AKAP3: variants seen among roughly 807,000 people sequenced by gnomAD.
The protein encoded by AKAP3 is A-kinase anchoring protein 3, also known as A-kinase anchor protein 3.
A neutral mutation model predicts 57.2 loss-of-function variants in AKAP3; 27 were observed. That is an observed-to-expected ratio of 0.47 (90% CI 0.35 to 0.65). The LOEUF is 0.65. Ranked by LOEUF, AKAP3 falls within the 30% of genes least tolerant of loss-of-function variation. The pLI is 0.01. For synonymous variants in AKAP3, 334 were observed against 392.3 expected, an observed-to-expected ratio of 0.85 and a Z score of 1.76; for missense variants, 959 against 1,040.0, an observed-to-expected ratio of 0.92 and a Z score of 1.07.
At chr12:4,644,602 C>T (rs984980254) in intron 2 of AKAP3, among the ~76,000 whole-genome samples, 4 of 152,162 alleles carry the variant, frequency 2.6e-5, no homozygotes, top group African/African-American at 9.7e-5. Context: ...CCAGAGGACT[C>T]ACAGGTAAAA....
rs1945279769 is a variant in AKAP3 at position 4,615,909 on chromosome 12, A to T, written c.2407-15T>A. The T allele has an allele frequency of 6.2e-7, 1 of 1,614,150 alleles. No individual in the cohort carries two copies. Among genetic ancestry groups the T allele is most frequent in the Non-Finnish European group, 8.5e-7 (1 of 1,179,992 alleles). On this transcript the variant is annotated splice_polypyrimidine_tract_variant and intron_variant, in intron 5 of 5. Transcript: ENST00000228850. Reference sequence around the variant, plus strand: ...AGCTGAAGTAGCTGTGAAAGGAAAGAAAACACCAGTGGTGAGGCACAGCAT... The same window carrying T: ...AGCTGAAGTAGCTGTGAAAGGAAAGTAAACACCAGTGGTGAGGCACAGCAT...
intron 5 of AKAP3, among the ~76,000 whole-genome samples, chr12:4,624,424 T>C (rs1945385785): frequency 6.6e-6 from 1 of 150,866 alleles, no homozygotes; most frequent in African/African-American, 2.4e-5. Context: ...GGGAAGGCAA[T>C]GGGATGGAGC....
At chr12:4,635,786 G>A in intron 4 of AKAP3, 2 of 706,878 alleles carry the variant, frequency 2.8e-6, no homozygotes, top group South Asian at 3.1e-5. Context: ...AAACTATACT[G>A]TAGTGTCATC....
At chr12:4,644,048 G>A (rs1945668758) in intron 2 of AKAP3, among the ~76,000 whole-genome samples, 3 of 152,094 alleles carry the variant, frequency 2.0e-5, no homozygotes, top group African/African-American at 2.4e-5. Flanking sequence ...CTGCTACATC[G>A]TAGAAGCTCA....
intron 4 of AKAP3, among the ~76,000 whole-genome samples, chr12:4,632,131 T>C (rs1945505068): frequency 6.6e-6 from 1 of 152,224 alleles, no homozygotes; most frequent in Non-Finnish European, 1.5e-5. Flanking sequence ...TCACTGGATA[T>C]GTAAATCATT....
rs149898758 is a variant in AKAP3 at position 4,628,342 on chromosome 12, G to C, written c.560C>G (p.Ser187Cys). The C allele has an allele frequency of 3.7e-6, 6 of 1,614,020 alleles. No homozygotes were observed. The African/African-American group carries it at 8.0e-5, about 22-fold the overall frequency. Reference sequence around the variant, plus strand: ...AGCCTTGTCTGGGGCAGCATTCCTGGAACATGCAGAGACGGTCTCATTCAC... The same window carrying C: ...AGCCTTGTCTGGGGCAGCATTCCTGCAACATGCAGAGACGGTCTCATTCAC... The part of the protein sequence containing the change: ...ELVNETVSAC[S>C]RNAAPDKAPG... The change falls in exon 5 of 6, where the codon TCC (serine) becomes TGC (cysteine). Residue 187 changes from serine to cysteine, a missense_variant. Physicochemically the swap from Ser to Cys is moderately radical, Grantham distance 112. Transcript: ENST00000228850.
In AKAP3 at chr12:4,616,174, C is replaced by T. The variant is rs76031205; in HGVS notation, c.2407-280G>A. On this transcript the variant is annotated intron_variant, in intron 5 of 5. Coordinates refer to ENST00000228850, the MANE Select transcript of AKAP3 (RefSeq NM_001278309.2). ...AAAGTCTCCATCATTGTCCTAAGAC[C>T]AACAGGGCAGGATGGAAAATGTCCA... 2.0e-3 allele frequency among the ~76,000 whole-genome samples: 297 copies of T among 152,306 alleles called. 5 individuals carry two copies. The East Asian group carries it at 0.031, about 16-fold the overall frequency.
At position 4,626,502 on chromosome 12, in the gene AKAP3, C is replaced by G. The variant is rs1420254983; in HGVS notation, c.2400G>C (p.Gln800His). 1.2e-6 allele frequency: 2 copies of G among 1,613,284 alleles called. No homozygotes were observed. ...LYFAGDDEGI[Q>H]EKLLQLSAAA... ...CTCTGCCTTTGTTTCTTACCTTCTC[C>G]TGGATCCCTTCATCATCACCAGCAA... Residue 800 changes from glutamine to histidine, a missense_variant, in exon 5 of 6, where the codon CAG becomes CAC. Gln to His is a conservative substitution (Grantham distance 24). Transcript: ENST00000228850.
Position 4,615,653 on chromosome 12 carries a change from G to C in AKAP3, c.*86C>G. ...AATGTTAGGGCTCTGTGAGGATATA[G>C]AGGGGGAGATGTGGAAGTGAGAAAG... On this transcript the variant is annotated 3_prime_UTR_variant, in exon 6 of 6. Transcript: ENST00000228850. 6.7e-7 allele frequency: 1 copy of C among 1,483,664 alleles called. No individual in the cohort carries two copies. The allele number at this position is 1,483,664 out of a possible 1,614,324, so 91.9% of individuals were successfully genotyped here.
Position 4,638,511 on chromosome 12 carries a change from T to C in AKAP3, c.1-315A>G, listed in dbSNP as rs149674117. 3.9e-3 allele frequency among the ~76,000 whole-genome samples: 596 copies of C among 152,322 alleles called. 7 individuals carry two copies. Among genetic ancestry groups the C allele is most frequent in the African/African-American group, 0.014 (567 of 41,568 alleles). ...ATGTCCCGCCCCTTTATGTCCTTGC[T>C]TGACGACCCTCCCCCTGCACTCACA... On this transcript the variant is annotated intron_variant, in intron 3 of 5. Transcript: ENST00000228850.
At chr12:4,634,078 T>C (rs1056837183) in intron 4 of AKAP3, among the ~76,000 whole-genome samples, 7 of 152,026 alleles carry the variant, frequency 4.6e-5, no homozygotes, top group African/African-American at 1.7e-4. Flanking sequence ...ATTGTAGATG[T>C]ACAAGTTCTC....
rs751955492 is a variant in AKAP3 at position 4,628,030 on chromosome 12, C to T, written c.872G>A (p.Ser291Asn). The stretch of plus-strand genomic sequence containing the variant: ...GGAGACCATCATATCAGATACCACA[C>T]TGTTAGCATAGGTCATGATCCCTTC... ...VSEGIMTYAN[S>N]VVSDMMVSIM... is the part of the protein sequence containing the mutation. Residue 291 changes from serine (S) to asparagine (N), a missense_variant, in exon 5 of 6, where the codon AGT becomes AAT. Coordinates refer to ENST00000228850, the MANE Select transcript of AKAP3 (RefSeq NM_001278309.2). The T allele has an allele frequency of 6.2e-7, 1 of 1,614,130 alleles. No homozygotes were observed. Among genetic ancestry groups the T allele is most frequent in the Non-Finnish European group, 8.5e-7 (1 of 1,180,008 alleles).
chr12:4,636,310 CGA>C (rs1425839004), intron 4 of AKAP3, among the ~76,000 whole-genome samples: 3 of 152,202 alleles, frequency 2.0e-5, no homozygotes, highest in Admixed American at 6.5e-5. Flanking sequence ...GCCCGTAGGA[CGA>C]GAGTGTGTCT....
intron 5 of AKAP3, 22 bp from the exon 6 acceptor site, chr12:4,615,916 C>A: frequency 6.2e-7 from 1 of 1,613,858 alleles, no homozygotes; most frequent in Non-Finnish European, 8.5e-7. Context: ...AAGAAAACAC[C>A]AGTGGTGAGG....
At chr12:4,630,648 A>T (rs2137436723) in intron 4 of AKAP3, among the ~76,000 whole-genome samples, 1 of 152,324 alleles carries the variant, frequency 6.6e-6, no homozygotes, top group South Asian at 2.1e-4. Context: ...ATCACACATC[A>T]TCTATAGCAT....
chr12:4,640,478 T>G (rs1591535542), intron 3 of AKAP3, among the ~76,000 whole-genome samples: 2 of 152,332 alleles, frequency 1.3e-5, no homozygotes, highest in Non-Finnish European at 2.9e-5. Flanking sequence ...GACTTTGGAC[T>G]GTGGTGAGGG....
Position 4,649,031 on chromosome 12 carries a change from T to G in AKAP3, c.-531A>C. ...TCTACCCGAAACCGTCGTTTCTTGG[T>G]TAGCGCTTGCGCAGACAGGCGAGAA... On this transcript the variant is annotated 5_prime_UTR_variant, in exon 1 of 6. Transcript: ENST00000228850. 7.0e-7 allele frequency: 1 copy of G among 1,422,158 alleles called. No homozygotes were observed. The highest frequency in any genetic ancestry group is 9.7e-7 in the Non-Finnish European group (1 of 1,031,922). 88.1% of individuals were successfully genotyped at this position (1,422,158 alleles called of 1,614,324 possible).
intron 4 of AKAP3, among the ~76,000 whole-genome samples, chr12:4,632,700 G>C (rs10444479): frequency 0.094 from 14,308 of 152,094 alleles, 801 homozygotes; most frequent in South Asian, 0.15. Context: ...GAGTGCAGTC[G>C]TGCGATCTCA....
At chr12:4,647,982 C>G (rs896485609) in intron 1 of AKAP3, 11 of 152,298 alleles carry the variant, frequency 7.2e-5, no homozygotes, top group African/African-American at 1.9e-4. Flanking sequence ...AAACAAAGCA[C>G]TGGAAGGATT....
Sources: allele counts gnomAD v4.1 joint callset (sites outside exome capture counted in the v4.1 genomes callset), GRCh38; gene constraint gnomAD v4.1.1; transcripts MANE v1.5; gene names NCBI Gene and HGNC (gene_info 2026-07-23, HGNC 2026-07-21).